ARHGAP42: variants seen among roughly 807,000 people sequenced by gnomAD.
The protein encoded by ARHGAP42 is rho GTPase-activating protein 42.
A neutral mutation model predicts 125.0 loss-of-function variants in ARHGAP42; 63 were observed. The ratio of observed to expected loss-of-function variants is 0.50; its 90% confidence interval spans 0.41 to 0.62. The LOEUF (loss-of-function observed/expected upper bound fraction) is 0.62, where lower values mean the gene tolerates loss of function less well. Among genes scored for constraint, ARHGAP42 ranks in the 20% least tolerant of loss-of-function variants. ARHGAP42 has a pLI of 0.00. For synonymous variants in ARHGAP42, 339 were observed against 351.0 expected, an observed-to-expected ratio of 0.97 and a Z score of 0.38; for missense variants, 766 against 1,024.2, an observed-to-expected ratio of 0.75 and a Z score of 3.44.
intron 22 of ARHGAP42, among the ~76,000 whole-genome samples, chr11:100,987,298 A>G (rs957336971): frequency 2.0e-5 from 3 of 152,206 alleles, no homozygotes; most frequent in Admixed American, 6.5e-5. Context: ...GAAACACAAG[A>G]AAGGTTTCTA....
intron 4 of ARHGAP42, among the ~76,000 whole-genome samples, chr11:100,886,420 C>T (rs1009683103): frequency 2.0e-5 from 3 of 152,202 alleles, no homozygotes; most frequent in African/African-American, 7.2e-5. Flanking sequence ...ATGACCTCCT[C>T]TTAGTTTTCT....
intron 22 of ARHGAP42, among the ~76,000 whole-genome samples, chr11:100,980,559 C>CTTCTTCTTTTTTTTTT (rs1555037006): frequency 1.9e-4 from 10 of 51,956 alleles, no homozygotes; most frequent in Non-Finnish European, 2.7e-4. Context: ...TTTTCTTCTT[C>CTTCTTCTTTTTTTTTT]TTTTTTTTTT....
intron 17 of ARHGAP42, 46 bp from the exon 18 acceptor site, chr11:100,973,129 T>A (rs1465077221): frequency 1.4e-6 from 2 of 1,446,932 alleles, no homozygotes; most frequent in African/African-American, 1.4e-5. Context: ...ATTTCATAAT[T>A]TTGAAACATA....
chr11:100,866,139 C>G (rs1334093880), intron 4 of ARHGAP42, among the ~76,000 whole-genome samples: 1 of 152,194 alleles, frequency 6.6e-6, no homozygotes, highest in African/African-American at 2.4e-5. Context: ...GATTCTATCT[C>G]AAGAAACTAG....
At chr11:100,805,800 C>A (rs1381980869) in intron 3 of ARHGAP42, among the ~76,000 whole-genome samples, 2 of 152,010 alleles carry the variant, frequency 1.3e-5, no homozygotes, top group Non-Finnish European at 2.9e-5. Flanking sequence ...GGTGGGAGTG[C>A]CTTTTAGCAT....
At chr11:100,888,459 G>T (rs933830843) in intron 4 of ARHGAP42, among the ~76,000 whole-genome samples, 10 of 152,198 alleles carry the variant, frequency 6.6e-5, no homozygotes, top group Non-Finnish European at 1.3e-4. Context: ...GTGTATGTGG[G>T]CTGGGGGTTA....
chr11:100,897,939 C>A (rs540155404), intron 4 of ARHGAP42, among the ~76,000 whole-genome samples: 1 of 152,154 alleles, frequency 6.6e-6, no homozygotes, highest in Non-Finnish European at 1.5e-5. Flanking sequence ...GGGAATGTTT[C>A]CAGTTTTTGC....
chr11:100,816,906 T>TA (rs1388478580), intron 3 of ARHGAP42: 3 of 152,192 alleles, frequency 2.0e-5, no homozygotes. Context: ...ATGGCCTGAT[T>TA]AGCAATGTGG....
At chr11:100,918,008 C>T (rs1265088485) in intron 5 of ARHGAP42, among the ~76,000 whole-genome samples, 1 of 152,200 alleles carries the variant, frequency 6.6e-6, no homozygotes, top group Non-Finnish European at 1.5e-5. Context: ...TTTATATTCA[C>T]ATGTACTTAG....
chr11:100,890,355 A>G (rs1366623093), intron 4 of ARHGAP42, among the ~76,000 whole-genome samples: 1 of 151,972 alleles, frequency 6.6e-6, no homozygotes, highest in Non-Finnish European at 1.5e-5. Flanking sequence ...TGTTTTTTTG[A>G]TGGCTTTCTG....
At position 100,941,817 on chromosome 11, in the gene ARHGAP42, G is replaced by A; in HGVS notation, c.866G>A (p.Cys289Tyr). 1 of 1,535,846 alleles carries A rather than the reference G, an allele frequency of 6.5e-7. No individual in the cohort carries two copies. Among genetic ancestry groups the A allele is most frequent in the Non-Finnish European group, 8.8e-7 (1 of 1,142,420 alleles). The change falls in exon 9 of 24, where the codon TGT becomes TAT. Residue 289 changes from cysteine (C) to tyrosine (Y), a missense_variant. Transcript: ENST00000298815. The part of the protein sequence containing the change: ...PLGFTWIKHY[C>Y]TYDKGSKTFT... ...GGTTTTACATGGATTAAACATTATTGTACATATGATAAGGGAAGTAAAACA... is the reference window on the plus strand; with the variant it reads ...GGTTTTACATGGATTAAACATTATTATACATATGATAAGGGAAGTAAAACA...
At position 100,976,411 on chromosome 11, in the gene ARHGAP42, C is replaced by T. The variant is rs1320399975; in HGVS notation, c.2210C>T (p.Ser737Phe). Residue 737 changes from serine to phenylalanine, a missense_variant, in exon 20 of 24, where the codon TCT becomes TTT. Coordinates refer to ENST00000298815, the MANE Select transcript of ARHGAP42 (RefSeq NM_152432.4). ...GGACTGAAAAGAGCTTCTGCTTCTT[C>T]TCTCAGATCCATCTCTGCAGCTGAA... Reference protein sequence around the residue: ...LSGLKRASASSLRSISAAEGN... With the variant: ...LSGLKRASASFLRSISAAEGN... 6.5e-7 allele frequency: 1 copy of T among 1,535,992 alleles called. No individual in the cohort carries two copies. The highest frequency in any genetic ancestry group is 8.8e-7 in the Non-Finnish European group (1 of 1,142,220).
chr11:100,844,076 G>A (rs562306843), intron 3 of ARHGAP42, among the ~76,000 whole-genome samples: 4 of 152,218 alleles, frequency 2.6e-5, no homozygotes, highest in African/African-American at 9.6e-5. Context: ...CACCAAAATA[G>A]CATGGTACTG....
chr11:100,692,995 A>G (rs912312741), intron 1 of ARHGAP42, among the ~76,000 whole-genome samples: 10 of 152,202 alleles, frequency 6.6e-5, no homozygotes, highest in African/African-American at 2.4e-4. Context: ...CTTAGCTACT[A>G]GAATTTTTGG....
intron 3 of ARHGAP42, among the ~76,000 whole-genome samples, chr11:100,857,342 T>C (rs181934896): frequency 1.3e-5 from 2 of 152,234 alleles, no homozygotes; most frequent in East Asian, 3.9e-4. Context: ...TATTCTGTTT[T>C]GTTATATCAT....
At chr11:100,947,839 AT>A (rs1159135571) in intron 10 of ARHGAP42, among the ~76,000 whole-genome samples, 7 of 151,878 alleles carry the variant, frequency 4.6e-5, no homozygotes, top group African/African-American at 1.7e-4. Context: ...TTTCCTCCAT[AT>A]GCTAGTTTTC....
chr11:100,692,664 C>T (rs1178425614), intron 1 of ARHGAP42, among the ~76,000 whole-genome samples: 2 of 151,962 alleles, frequency 1.3e-5, no homozygotes, highest in Non-Finnish European at 1.5e-5. Context: ...AAGATGGCAC[C>T]GATTATGTTG....
rs1051943001 is a variant in ARHGAP42 at position 100,770,892 on chromosome 11, A to G, written c.250+454A>G. On this transcript the variant is annotated intron_variant, in intron 2 of 23. Coordinates refer to ENST00000298815, the MANE Select transcript of ARHGAP42 (RefSeq NM_152432.4). Reference sequence around the variant, plus strand: ...CTGCGCTTGGCCTAAAGAAAATATTATAAATTGTTTTTAAATCGAAGCTCT... The same window carrying G: ...CTGCGCTTGGCCTAAAGAAAATATTGTAAATTGTTTTTAAATCGAAGCTCT... Among the ~76,000 whole-genome samples, 4 of 152,200 alleles carry G rather than the reference A, an allele frequency of 2.6e-5. No homozygotes were observed. The East Asian group carries it at 5.8e-4, about 22-fold the overall frequency.
intron 1 of ARHGAP42, among the ~76,000 whole-genome samples, chr11:100,737,051 C>T (rs1301622943): frequency 6.6e-6 from 1 of 152,054 alleles, no homozygotes; most frequent in Non-Finnish European, 1.5e-5. Flanking sequence ...GAAGAGATAA[C>T]TATTCTATGT....
Sources: gnomAD v4.1 joint callset for allele counts (sites outside exome capture counted in the v4.1 genomes callset) on GRCh38, gnomAD v4.1.1 for gene constraint, MANE v1.5 for transcripts, NCBI Gene and HGNC (gene_info 2026-07-23, HGNC 2026-07-21) for gene names.